Variants in GLIS3 observed in about 807,000 individuals in gnomAD.
GLIS3 encodes the protein GLIS family zinc finger 3.
In GLIS3, 53 loss-of-function variants were observed where a neutral mutation model predicts 78.6. The ratio of observed to expected loss-of-function variants is 0.67; its 90% CI spans 0.54 to 0.85. The LOEUF is 0.85. Among genes scored for constraint, GLIS3 ranks in the 40% least tolerant of loss-of-function variants. The pLI is 0.00. For missense variants in GLIS3, 1,703 were observed against 1,231.1 expected, an observed-to-expected ratio of 1.38 and a Z score of -5.74; for synonymous variants, 684 against 509.9, an observed-to-expected ratio of 1.34 and a Z score of -4.60.
At chr9:4,427,585 G>T in the GLIS3 span, among the ~76,000 whole-genome samples, 1 of 152,262 alleles carries the variant, frequency 6.6e-6, no homozygotes, top group East Asian at 1.9e-4. Flanking sequence ...GTGGCTGGGC[G>T]CAGTGGCTCA....
chr9:4,019,728 T>C (rs1415756619), intron 4 of GLIS3, among the ~76,000 whole-genome samples: 1 of 152,140 alleles, frequency 6.6e-6, no homozygotes, highest in African/African-American at 2.4e-5. Context: ...AATTTTATTT[T>C]TATTTTTATT....
intron 7 of GLIS3, among the ~76,000 whole-genome samples, chr9:3,892,377 G>A (rs1429806884): frequency 1.3e-5 from 2 of 152,162 alleles, no homozygotes; most frequent in African/African-American, 4.8e-5. Flanking sequence ...AGTCACGGCC[G>A]GGGCACCTGA....
At chr9:3,912,224 G>A (rs1016185892) in intron 6 of GLIS3, among the ~76,000 whole-genome samples, 2 of 152,176 alleles carry the variant, frequency 1.3e-5, no homozygotes, top group African/African-American at 2.4e-5. Flanking sequence ...AGGCTATTGC[G>A]TACGTTAAGA....
chr9:3,971,257 A>C (rs1209498202), intron 4 of GLIS3, among the ~76,000 whole-genome samples: 1 of 152,152 alleles, frequency 6.6e-6, no homozygotes, highest in Admixed American at 6.5e-5. Flanking sequence ...GTCCACATGA[A>C]GACACTACAC....
chr9:4,252,094 C>G (rs1453208208), intron 2 of GLIS3, among the ~76,000 whole-genome samples: 1 of 152,054 alleles, frequency 6.6e-6, no homozygotes, highest in African/African-American at 2.4e-5. Flanking sequence ...TGGGGTTGCT[C>G]TTCTCAAGGA....
At chr9:4,320,007 G>C (rs1314685433) in intron 2 of GLIS3, among the ~76,000 whole-genome samples, 3 of 62,132 alleles carry the variant, frequency 4.8e-5, no homozygotes, top group African/African-American at 1.0e-4. Flanking sequence ...GTGTGTGTGT[G>C]TGTGTGTGTG....
chr9:4,289,442 T>C (rs776001541), intron 1 of GLIS3, among the ~76,000 whole-genome samples: 14 of 152,176 alleles, frequency 9.2e-5, no homozygotes, highest in Non-Finnish European at 1.5e-4. Context: ...CCATCAGCGA[T>C]GTGTTGTCTA....
chr9:3,890,828 C>T (rs1164615780), intron 7 of GLIS3, among the ~76,000 whole-genome samples: 2 of 152,128 alleles, frequency 1.3e-5, no homozygotes, highest in African/African-American at 4.8e-5. Context: ...ACCATCAAAA[C>T]ACAATTTTGA....
At chr9:3,928,643 T>A (rs947791834) in intron 6 of GLIS3, among the ~76,000 whole-genome samples, 2 of 152,178 alleles carry the variant, frequency 1.3e-5, no homozygotes, top group Non-Finnish European at 2.9e-5. Flanking sequence ...ACTGCCCTAA[T>A]TTTGCCAGAA....
chr9:3,916,544 C>T (rs1369271171), intron 6 of GLIS3, among the ~76,000 whole-genome samples: 3 of 152,224 alleles, frequency 2.0e-5, no homozygotes, highest in East Asian at 1.9e-4. Flanking sequence ...TCCTTAAACA[C>T]GTCTGTCCAT....
At chr9:3,971,279 A>T (rs1354091993) in intron 4 of GLIS3, among the ~76,000 whole-genome samples, 1 of 152,152 alleles carries the variant, frequency 6.6e-6, no homozygotes, top group Non-Finnish European at 1.5e-5. Context: ...CTTTCTGCCT[A>T]TGTCACATCA....
At chr9:4,490,376 C>T in the GLIS3 span, 13 of 200,552 alleles carry the variant, frequency 6.5e-5, no homozygotes, top group Non-Finnish European at 1.1e-4. Flanking sequence ...CACCCTCCTT[C>T]CCGGGCCTGC....
At chr9:4,348,752 A>G (rs1054143965), upstream of GLIS3, among the ~76,000 whole-genome samples, 11 of 152,168 alleles carry the variant, frequency 7.2e-5, no homozygotes, top group Non-Finnish European at 1.5e-4. Context: ...ATCTTATTCA[A>G]AAAGGAAAAT....
chr9:3,928,954 T>G (rs1040222453), intron 6 of GLIS3, among the ~76,000 whole-genome samples: 1 of 152,230 alleles, frequency 6.6e-6, no homozygotes, highest in Admixed American at 6.5e-5. Flanking sequence ...GAAACCCTCC[T>G]GCTTATGGCA....
At position 3,927,152 on chromosome 9, in the gene GLIS3, G is replaced by T. The variant is rs369637890; in HGVS notation, c.1983+5208C>A. On this transcript the variant is annotated intron_variant, in intron 6 of 10. Coordinates refer to ENST00000381971, the MANE Select transcript of GLIS3 (RefSeq NM_001042413.2). ...GTAAATCTATGAGGGCACAGAACTTGTCTGTCTTATACACATTTGTATCTC... is the reference window on the plus strand; with the variant it reads ...GTAAATCTATGAGGGCACAGAACTTTTCTGTCTTATACACATTTGTATCTC... Among the ~76,000 whole-genome samples the T allele has an allele frequency of 3.3e-5, 5 of 152,294 alleles. 1 individual carries two copies. The South Asian group carries it at 1.0e-3, about 32-fold the overall frequency.
chr9:4,441,584 G>A, the GLIS3 span, among the ~76,000 whole-genome samples: 1 of 151,988 alleles, frequency 6.6e-6, no homozygotes, highest in African/African-American at 2.4e-5. Context: ...AGTTCATCAG[G>A]GATATTGACT....
intron 4 of GLIS3, among the ~76,000 whole-genome samples, chr9:3,972,341 T>C (rs545934590): frequency 6.6e-6 from 1 of 152,334 alleles, no homozygotes; most frequent in East Asian, 1.9e-4. Context: ...CCTCATTCTA[T>C]ACTCTGATTA....
At chr9:3,968,977 G>C (rs1410673119) in intron 4 of GLIS3, among the ~76,000 whole-genome samples, 1 of 152,206 alleles carries the variant, frequency 6.6e-6, no homozygotes, top group Admixed American at 6.5e-5. Context: ...GCAAAAGTGT[G>C]TTAGGCTCCA....
intron 4 of GLIS3, among the ~76,000 whole-genome samples, chr9:4,058,310 G>C (rs1470674752): frequency 6.6e-6 from 1 of 151,268 alleles, no homozygotes; most frequent in South Asian, 2.1e-4. Context: ...ACACAATAAG[G>C]CATAAAAAAA....
Sources: allele counts gnomAD v4.1 joint callset (sites outside exome capture counted in the v4.1 genomes callset), GRCh38; gene constraint gnomAD v4.1.1; transcripts MANE v1.5; gene names NCBI Gene and HGNC (gene_info 2026-07-23, HGNC 2026-07-21).